Variants in TIPRL observed in about 807,000 individuals in gnomAD.
TIPRL encodes the protein TIP41-like protein.
Under a neutral mutation model 32.3 loss-of-function variants are expected in TIPRL, and 10 were observed. The observed-to-expected ratio is 0.31, with a 90% CI of 0.19 to 0.52. TIPRL has a LOEUF of 0.52. TIPRL is among the 20% of genes least tolerant of loss of function. The pLI, the probability that TIPRL is intolerant of heterozygous loss-of-function variation, is 0.96. For missense variants in TIPRL, 250 were observed against 328.1 expected (o/e 0.76, Z 1.84); for synonymous variants, 100 against 114.0 (o/e 0.88, Z 0.78).
rs1700209772 is a variant in TIPRL at position 168,201,769 on chromosome 1, T to TAGTGTG, written c.*1723_*1724insAGTGTG. On this transcript the variant is annotated 3_prime_UTR_variant, in exon 7 of 7. Transcript: ENST00000367833. Reference sequence around the variant, plus strand: ...CATTAATTGGAGCTTCTGGGCAACATCGTGTGTGTGTGTGTGTGTGTGTGT... The same window carrying TAGTGTG: ...CATTAATTGGAGCTTCTGGGCAACATAGTGTGCGTGTGTGTGTGTGTGTGTGTGTGT... The TAGTGTG allele has an allele frequency of 9.1e-6, 1 of 109,848 alleles. No individual in the cohort carries two copies. The allele number at this position is 109,848 out of a possible 1,614,324, so 6.8% of individuals were successfully genotyped here.
intron 5 of TIPRL, among the ~76,000 whole-genome samples, chr1:168,198,172 CTG>C (rs1377678570): frequency 8.5e-5 from 13 of 152,104 alleles, no homozygotes; most frequent in African/African-American, 3.1e-4. Context: ...ATAAGATTCT[CTG>C]TAGAGATTTC....
chr1:168,193,760 T>C (rs1396125876), intron 4 of TIPRL, among the ~76,000 whole-genome samples: 5 of 152,214 alleles, frequency 3.3e-5, no homozygotes, highest in African/African-American at 1.2e-4. Context: ...AAGTATTAGT[T>C]CATAGATATT....
Position 168,185,769 on chromosome 1 carries a change from CA to C in TIPRL, c.384+906del, listed in dbSNP as rs749833672. 6.0e-3 allele frequency among the ~76,000 whole-genome samples: 467 copies of C among 77,922 alleles called. 2 individuals carry two copies. The highest frequency in any genetic ancestry group is 0.032 in the Middle Eastern group (3 of 94). The allele number at this position is 77,922 out of a possible 152,430, so 51.1% of individuals were successfully genotyped here. Reference sequence around the variant, plus strand: ...TGGGTGACAGAGTGAGACTCTGTCTCAAAAAAAAAAAAAAAGAAGAGATTCG... The same window carrying C: ...TGGGTGACAGAGTGAGACTCTGTCTCAAAAAAAAAAAAAAGAAGAGATTCG... On this transcript the variant is annotated intron_variant, in intron 3 of 6. Transcript: ENST00000367833.
chr1:168,195,632 T>C (rs917157645), intron 4 of TIPRL, among the ~76,000 whole-genome samples: 1 of 152,066 alleles, frequency 6.6e-6, no homozygotes, highest in African/African-American at 2.4e-5. Flanking sequence ...TGGAGTGCAG[T>C]GTTACAATCA....
intron 3 of TIPRL, among the ~76,000 whole-genome samples, chr1:168,187,481 G>C (rs1476438592): frequency 6.6e-6 from 1 of 152,204 alleles, no homozygotes; most frequent in Non-Finnish European, 1.5e-5. Flanking sequence ...AATGTGATTT[G>C]TTCTGAGGTG....
intron 3 of TIPRL, among the ~76,000 whole-genome samples, chr1:168,185,794 C>G (rs924839613): frequency 8.1e-6 from 1 of 123,016 alleles, no homozygotes; most frequent in African/African-American, 3.1e-5. Flanking sequence ...AGAAGAGATT[C>G]GGCCAGGTGC....
At chr1:168,182,845 A>T (rs1699984116) in intron 1 of TIPRL, among the ~76,000 whole-genome samples, 1 of 152,224 alleles carries the variant, frequency 6.6e-6, no homozygotes, top group Admixed American at 6.5e-5. Context: ...ATGGAATCTT[A>T]TGGAATATAT....
chr1:168,188,719 C>T (rs567433871), intron 3 of TIPRL, among the ~76,000 whole-genome samples: 2 of 152,234 alleles, frequency 1.3e-5, no homozygotes, highest in South Asian at 4.2e-4. Context: ...GTGGCTCATA[C>T]CTGAATCCCA....
chr1:168,197,310 C>T (rs1700169114), intron 5 of TIPRL, among the ~76,000 whole-genome samples: 1 of 151,482 alleles, frequency 6.6e-6, no homozygotes, highest in African/African-American at 2.4e-5. Flanking sequence ...AAGAAACATA[C>T]CTAAGTTATA....
rs1411016741 is a variant in TIPRL at position 168,191,607 on chromosome 1, CA to C, written c.516+108del. 4 of 954,654 alleles carry C rather than the reference CA, an allele frequency of 4.2e-6. No homozygotes were observed. The East Asian group carries it at 1.5e-4, about 35-fold the overall frequency. 59.1% of individuals were successfully genotyped at this position (954,654 alleles called of 1,614,324 possible). A position where few individuals can be genotyped will look rare whatever the true frequency, so the allele number is the denominator to read the frequency against. On this transcript the variant is annotated intron_variant, in intron 4 of 6. Transcript: ENST00000367833. The stretch of plus-strand genomic sequence containing the variant: ...CTGAGCCTGGCCGGGCGCGGTGGCT[CA>C]CGCCTGTAATCCCAGCACTTTGAGA...
Position 168,184,201 on chromosome 1 carries a change from AT to A in TIPRL, c.284+122del. The A allele has an allele frequency of 3.2e-6, 3 of 943,020 alleles. No homozygotes were observed. The South Asian group carries it at 6.7e-5, about 21-fold the overall frequency. 58.4% of individuals were successfully genotyped at this position (943,020 alleles called of 1,614,324 possible). A position where few individuals can be genotyped will look rare whatever the true frequency, so the allele number is the denominator to read the frequency against. ...GTTGTTAGAATGAAGGGCTGGTATT[AT>A]TAAACTTGAGAGTTGTATCATTCTA... On this transcript the variant is annotated intron_variant, in intron 2 of 6. Transcript: ENST00000367833.
At chr1:168,198,132 A>C (rs779933975) in intron 5 of TIPRL, among the ~76,000 whole-genome samples, 4 of 152,168 alleles carry the variant, frequency 2.6e-5, no homozygotes, top group Admixed American at 6.5e-5. Context: ...TCAGTGTTGA[A>C]CTTTCAAAAG....
At chr1:168,185,387 A>G (rs1558162765) in intron 3 of TIPRL, among the ~76,000 whole-genome samples, 3 of 152,218 alleles carry the variant, frequency 2.0e-5, no homozygotes, top group Admixed American at 6.5e-5. Context: ...ACCTCAAAGC[A>G]GAGTTTTGAT....
chr1:168,182,353 C>T (rs565270144), intron 1 of TIPRL, among the ~76,000 whole-genome samples: 1 of 152,144 alleles, frequency 6.6e-6, no homozygotes, highest in African/African-American at 2.4e-5. Context: ...AGGCCGGGCG[C>T]GGTGACTCAC....
rs776601529 is a variant in TIPRL, at chr1:168,179,133, A to G, written c.56A>G (p.Lys19Arg). The G allele has an allele frequency of 1.8e-5, 29 of 1,613,854 alleles. No individual in the cohort carries two copies. The highest frequency in any genetic ancestry group is 1.9e-5 in the Non-Finnish European group (23 of 1,179,964). The change falls in exon 1 of 7, where the codon AAG becomes AGG. Residue 19 changes from lysine (K) to arginine (R), a missense_variant. Lys to Arg is a conservative substitution (Grantham distance 26, BLOSUM62 2). Transcript: ENST00000367833. Reference protein sequence around the residue: ...SHRDFCFGPWKLTASKTHIMK... With the variant: ...SHRDFCFGPWRLTASKTHIMK... ...CGGGATTTCTGCTTCGGGCCCTGGA[A>G]GCTGACGGCGTCCAAGACCCACATC...
intron 3 of TIPRL, among the ~76,000 whole-genome samples, chr1:168,189,066 G>C (rs1323437474): frequency 2.6e-5 from 4 of 152,150 alleles, no homozygotes; most frequent in African/African-American, 9.7e-5. Context: ...ATTCTCCAGG[G>C]TCCTTGTCCT....
At chr1:168,179,229 A>T in intron 1 of TIPRL, 48 bp downstream of exon 1, 1 of 1,571,166 alleles carries the variant, frequency 6.4e-7, no homozygotes, top group Non-Finnish European at 8.7e-7. Flanking sequence ...TTGCTGGCCC[A>T]GGGCGGGAGG....
intron 4 of TIPRL, among the ~76,000 whole-genome samples, chr1:168,194,982 GT>G (rs1321877462): frequency 6.6e-6 from 1 of 152,198 alleles, no homozygotes; most frequent in Non-Finnish European, 1.5e-5. Flanking sequence ...GTATGGAATG[GT>G]AAGAAAGGCC....
chr1:168,179,615 TCA>T (rs1177717372), intron 1 of TIPRL, among the ~76,000 whole-genome samples: 33 of 128,792 alleles, frequency 2.6e-4, no homozygotes, highest in Non-Finnish European at 1.1e-4. Flanking sequence ...GCGCCTCAAT[TCA>T]CAGTCTCGTG....
Sources: gnomAD v4.1 joint callset for allele counts (sites outside exome capture counted in the v4.1 genomes callset) on GRCh38, gnomAD v4.1.1 for gene constraint, MANE v1.5 for transcripts, NCBI Gene and HGNC (gene_info 2026-07-23, HGNC 2026-07-21) for gene names.